The following ADAMTSL1 variants were observed in gnomAD, a reference collection of about 807,000 sequenced individuals.
ADAMTSL1 encodes ADAMTS-like protein 1.
ADAMTSL1 carries 126 observed loss-of-function variants against 201.8 expected under a neutral mutation model. That is an observed-to-expected ratio of 0.62 (90% confidence interval 0.54 to 0.72). The LOEUF is 0.72. ADAMTSL1 is among the 30% of genes least tolerant of loss of function. The probability of loss-of-function intolerance (pLI) is 0.00; values close to 1 mark genes in which losing one functional copy is unlikely to be tolerated. For missense variants in ADAMTSL1, 2,679 were observed against 2,277.8 expected, an observed-to-expected ratio of 1.18 and a Z score of -3.59; for synonymous variants, 1,121 against 903.4, an observed-to-expected ratio of 1.24 and a Z score of -4.32.
At chr9:18,881,654 C>T (rs923690584) in intron 23 of ADAMTSL1, among the ~76,000 whole-genome samples, 3 of 152,190 alleles carry the variant, frequency 2.0e-5, no homozygotes, top group African/African-American at 7.2e-5. Flanking sequence ...AGTATGCACA[C>T]ACTGTTAGAA....
chr9:18,352,796 C>A lies in ADAMTSL1; in HGVS notation c.208-152033C>A, dbSNP rs140941097. On this transcript the variant is annotated intron_variant, in intron 2 of 29. Coordinates refer to the ADAMTSL1 transcript ENST00000680146. ...CATAAAAGGTTATGCAGGAAAAATA[C>A]GTTTTTACCCTATTTCTCAATCAGT... Among the ~76,000 whole-genome samples, 245 of 152,220 alleles carry A rather than the reference C, an allele frequency of 1.6e-3. 1 individual carries two copies. The highest frequency in any genetic ancestry group is 0.013 in the South Asian group (62 of 4,820).
chr9:18,028,005 C>A (rs1820773887), intron 1 of ADAMTSL1, among the ~76,000 whole-genome samples: 1 of 152,030 alleles, frequency 6.6e-6, no homozygotes, highest in Non-Finnish European at 1.5e-5. Flanking sequence ...GGTTTAAAAT[C>A]AATTTTATCT....
chr9:18,202,923 G>A (rs1829508285), intron 2 of ADAMTSL1, among the ~76,000 whole-genome samples: 1 of 152,104 alleles, frequency 6.6e-6, no homozygotes, highest in Non-Finnish European at 1.5e-5. Context: ...GCTAACTACA[G>A]AAAGTAGTTA....
intron 1 of ADAMTSL1, among the ~76,000 whole-genome samples, chr9:18,042,038 G>A (rs554604612): frequency 1.3e-5 from 2 of 150,284 alleles, no homozygotes; most frequent in East Asian, 2.0e-4. Flanking sequence ...AAATTACTCC[G>A]TGCATGAAGT....
At chr9:18,439,835 G>C (rs1246051327) in intron 2 of ADAMTSL1, among the ~76,000 whole-genome samples, 2 of 152,122 alleles carry the variant, frequency 1.3e-5, no homozygotes, top group African/African-American at 4.8e-5. Flanking sequence ...TCTTCATACA[G>C]CCGTTTGATA....
At chr9:17,972,147 T>G (rs1818228392) in intron 1 of ADAMTSL1, among the ~76,000 whole-genome samples, 1 of 151,504 alleles carries the variant, frequency 6.6e-6, no homozygotes, top group Non-Finnish European at 1.5e-5. Context: ...TTTCTTTTTC[T>G]TTTTTTTAAA....
At chr9:18,739,959 C>A (rs1004504160) in intron 15 of ADAMTSL1, among the ~76,000 whole-genome samples, 1 of 151,450 alleles carries the variant, frequency 6.6e-6, no homozygotes, top group Non-Finnish European at 1.5e-5. Context: ...GAATTAATCA[C>A]CCCTGCATCA....
In ADAMTSL1 at chr9:17,919,717, A is replaced by G. The variant is rs955535447; in HGVS notation, c.87+12795A>G. ...TATAACACATTTTGTTTATTTGTTCATCTACCTATGGGTATTTGGATTTTT... is the reference window on the plus strand; with the variant it reads ...TATAACACATTTTGTTTATTTGTTCGTCTACCTATGGGTATTTGGATTTTT... On this transcript the variant is annotated intron_variant, in intron 1 of 29. Coordinates refer to the ADAMTSL1 transcript ENST00000680146. Among the ~76,000 whole-genome samples the G allele has an allele frequency of 3.3e-5, 5 of 152,260 alleles. 1 individual carries two copies. In the South Asian group the frequency reaches 1.0e-3, roughly 32 times the overall value.
At chr9:18,536,927 G>GT (rs35417806) in intron 3 of ADAMTSL1, among the ~76,000 whole-genome samples, 34,384 of 151,762 alleles carry the variant, frequency 0.23, 4,683 homozygotes, top group Admixed American at 0.34. Context: ...CTTATAAACT[G>GT]TTTTTTTTGC....
intron 4 of ADAMTSL1, among the ~76,000 whole-genome samples, chr9:18,578,751 G>A (rs1212188206): frequency 1.3e-5 from 2 of 151,644 alleles, no homozygotes; most frequent in African/African-American, 4.9e-5. Context: ...CCCAGTAATG[G>A]GATGGCTGGG....
At chr9:18,622,555 C>T (rs1344630725) in intron 5 of ADAMTSL1, 186 bp downstream of exon 5, 6 of 815,508 alleles carry the variant, frequency 7.4e-6, no homozygotes, top group Non-Finnish European at 9.4e-6. Context: ...TTACCAGCTG[C>T]AGTCCCAAAG....
chr9:18,433,008 A>G (rs931016065), intron 2 of ADAMTSL1, among the ~76,000 whole-genome samples: 22 of 152,126 alleles, frequency 1.4e-4, no homozygotes, highest in Non-Finnish European at 7.4e-5. Context: ...TAGAATGAAA[A>G]CATTTTCATC....
chr9:17,995,683 A>G (rs1328173967), intron 1 of ADAMTSL1, among the ~76,000 whole-genome samples: 1 of 152,064 alleles, frequency 6.6e-6, no homozygotes, highest in African/African-American at 2.4e-5. Context: ...AACAGAAGGC[A>G]TTCAAGAGGA....
chr9:18,568,493 A>T (rs1268584874), intron 3 of ADAMTSL1, among the ~76,000 whole-genome samples: 2 of 152,336 alleles, frequency 1.3e-5, no homozygotes, highest in South Asian at 2.1e-4. Flanking sequence ...GGGTAAAACA[A>T]CTGGTAACAT....
intron 2 of ADAMTSL1, among the ~76,000 whole-genome samples, chr9:18,446,970 C>T (rs962266521): frequency 1.3e-5 from 2 of 151,550 alleles, no homozygotes; most frequent in Non-Finnish European, 2.9e-5. Context: ...TTAACATGAA[C>T]ATTTTTTTTT....
At chr9:18,356,367 A>G (rs779605791) in intron 2 of ADAMTSL1, among the ~76,000 whole-genome samples, 56 of 151,974 alleles carry the variant, frequency 3.7e-4, no homozygotes, top group Admixed American at 1.0e-3. Flanking sequence ...CTGCCTAAGC[A>G]TTTGGCTGCC....
chr9:18,754,441 GC>G (rs1819630209), intron 16 of ADAMTSL1, among the ~76,000 whole-genome samples: 1 of 152,164 alleles, frequency 6.6e-6, no homozygotes, highest in South Asian at 2.1e-4. Flanking sequence ...GACAACAAAG[GC>G]CACAAAAGTA....
chr9:18,844,462 A>G (rs1389979132), intron 23 of ADAMTSL1, among the ~76,000 whole-genome samples: 1 of 152,164 alleles, frequency 6.6e-6, no homozygotes, highest in Non-Finnish European at 1.5e-5. Flanking sequence ...GGTGCCTCCC[A>G]GTTAGGCTGC....
intron 2 of ADAMTSL1, among the ~76,000 whole-genome samples, chr9:18,229,513 C>G (rs1805656529): frequency 6.6e-6 from 1 of 151,966 alleles, no homozygotes; most frequent in African/African-American, 2.4e-5. Context: ...AAAAACTCTT[C>G]TCTAAAGAAG....
Sources: allele counts gnomAD v4.1 joint callset (sites outside exome capture counted in the v4.1 genomes callset), GRCh38; gene constraint gnomAD v4.1.1; transcripts MANE v1.5; gene names NCBI Gene and HGNC (gene_info 2026-07-23, HGNC 2026-07-21).